The following PTPRD variants were observed in gnomAD, a reference collection of about 807,000 sequenced individuals.
PTPRD encodes receptor-type tyrosine-protein phosphatase delta.
A neutral mutation model predicts 214.5 loss-of-function variants in PTPRD; 34 were observed. The ratio of observed to expected loss-of-function variants is 0.16; its 90% CI spans 0.12 to 0.21. PTPRD has a LOEUF of 0.21. PTPRD is among the 10% of genes least tolerant of loss of function. The pLI is 1.00. For missense variants in PTPRD, 2,545 were observed against 2,398.7 expected (o/e 1.06, Z -1.27); for synonymous variants, 1,128 against 845.7 (o/e 1.33, Z -5.79).
At chr9:9,050,684 C>T (rs1490254632) in intron 10 of PTPRD, among the ~76,000 whole-genome samples, 1 of 65,188 alleles carries the variant, frequency 1.5e-5, no homozygotes, top group Non-Finnish European at 3.6e-5. Flanking sequence ...CCATGCTATA[C>T]ATGCTACCTA....
chr9:8,538,861 C>G (rs933251992), intron 14 of PTPRD, among the ~76,000 whole-genome samples: 10 of 151,862 alleles, frequency 6.6e-5, no homozygotes, highest in African/African-American at 2.2e-4. Context: ...TGAAAGGAAA[C>G]ACTTTCCTTT....
chr9:10,508,491 G>A (rs1445670288), intron 2 of PTPRD, among the ~76,000 whole-genome samples: 4 of 152,152 alleles, frequency 2.6e-5, no homozygotes, highest in Non-Finnish European at 4.4e-5. Flanking sequence ...GAAGACACAT[G>A]CACACGTATG....
intron 5 of PTPRD, among the ~76,000 whole-genome samples, chr9:9,863,389 A>G (rs2063220567): frequency 6.6e-6 from 1 of 152,194 alleles, no homozygotes; most frequent in Non-Finnish European, 1.5e-5. Context: ...TAAATGTAAA[A>G]TCAAGAATGT....
At chr9:10,612,220 A>AAAG (rs1555626942) in intron 2 of PTPRD, among the ~76,000 whole-genome samples, 178 bp downstream of exon 2, 11 of 151,664 alleles carry the variant, frequency 7.3e-5, no homozygotes, top group South Asian at 2.1e-4. Flanking sequence ...AAAAAAAAAA[A>AAAG]AAAAGAAAAA....
chr9:9,855,365 G>A (rs978007779), intron 5 of PTPRD, among the ~76,000 whole-genome samples: 4 of 152,080 alleles, frequency 2.6e-5, no homozygotes, highest in East Asian at 3.9e-4. Flanking sequence ...TAAAACAAAG[G>A]GGAGGAGCTC....
At chr9:8,814,616 C>G (rs983816497) in intron 11 of PTPRD, among the ~76,000 whole-genome samples, 3 of 152,128 alleles carry the variant, frequency 2.0e-5, no homozygotes, top group African/African-American at 7.2e-5. Flanking sequence ...AGACAGCCAT[C>G]CAAGGGCAGA....
chr9:9,230,801 T>G lies in PTPRD; in HGVS notation c.-202-47438A>C, dbSNP rs573658350. ...GAAAATAAGAGGATAAATCTGTATC[T>G]TTTCTTTTAAAAAAGACTAACCTGA... On this transcript the variant is annotated intron_variant, in intron 9 of 45. Transcript: ENST00000381196. Among the ~76,000 whole-genome samples the G allele has an allele frequency of 3.9e-5, 6 of 152,272 alleles. No homozygotes were observed. In the South Asian group the frequency reaches 1.0e-3, roughly 26 times the overall value.
intron 9 of PTPRD, among the ~76,000 whole-genome samples, chr9:9,212,472 C>T (rs1003057258): frequency 5.9e-5 from 9 of 152,078 alleles, no homozygotes; most frequent in Non-Finnish European, 8.8e-5. Context: ...GTGATTTTAA[C>T]GCTATTAATT....
chr9:10,593,428 T>TA lies in PTPRD; in HGVS notation c.-600+18969dup, dbSNP rs1369472881. Among the ~76,000 whole-genome samples the TA allele has an allele frequency of 2.0e-5, 3 of 152,156 alleles. No individual in the cohort carries two copies. The East Asian group carries it at 5.8e-4, about 30-fold the overall frequency. On this transcript the variant is annotated intron_variant, in intron 2 of 45. Coordinates refer to ENST00000381196, the MANE Select transcript of PTPRD (RefSeq NM_002839.4). Reference sequence around the variant, plus strand: ...ACTAGAAGCCTCAAATTCCTACAATTAAAAAGGTGGGAACTCAGTCATAAA... The same window carrying TA: ...ACTAGAAGCCTCAAATTCCTACAATTAAAAAAGGTGGGAACTCAGTCATAAA...
chr9:9,351,928 A>C (rs923258110), intron 9 of PTPRD, among the ~76,000 whole-genome samples: 1 of 152,010 alleles, frequency 6.6e-6, no homozygotes, highest in Non-Finnish European at 1.5e-5. Context: ...TCTGGAACAC[A>C]GTAAGAGCTT....
chr9:8,491,932 G>A (rs895435231), intron 27 of PTPRD, among the ~76,000 whole-genome samples: 3 of 152,190 alleles, frequency 2.0e-5, no homozygotes, highest in East Asian at 1.9e-4. Context: ...ACATGTTCAC[G>A]GGAGATTGCC....
Position 8,315,188 on chromosome 9 carries a change from T to C in PTPRD, c.*2686A>G, listed in dbSNP as rs556960190. 2.6e-5 allele frequency: 6 copies of C among 232,736 alleles called. No individual in the cohort carries two copies. In the South Asian group the frequency reaches 1.1e-3, roughly 42 times the overall value. 14.4% of individuals were successfully genotyped at this position (232,736 alleles called of 1,614,324 possible). ...AGAAAAGCACAGAGTGGAATGCACATCAATGACAGTAAGGGAGTTAGTTCT... is the reference window on the plus strand; with the variant it reads ...AGAAAAGCACAGAGTGGAATGCACACCAATGACAGTAAGGGAGTTAGTTCT... On this transcript the variant is annotated 3_prime_UTR_variant, in exon 46 of 46. Coordinates refer to ENST00000381196, the MANE Select transcript of PTPRD (RefSeq NM_002839.4).
intron 7 of PTPRD, among the ~76,000 whole-genome samples, chr9:9,734,241 A>T (rs2098252507): frequency 6.6e-6 from 1 of 152,000 alleles, no homozygotes; most frequent in Non-Finnish European, 1.5e-5. Context: ...CCTATCACGA[A>T]CTCTTTCAGT....
chr9:9,110,001 C>T (rs2099803867), intron 10 of PTPRD, among the ~76,000 whole-genome samples: 1 of 151,972 alleles, frequency 6.6e-6, no homozygotes, highest in Non-Finnish European at 1.5e-5. Flanking sequence ...AGCTTGGCAC[C>T]AAACCAGGAG....
At chr9:10,101,085 T>A (rs945022849) in intron 3 of PTPRD, among the ~76,000 whole-genome samples, 1 of 151,690 alleles carries the variant, frequency 6.6e-6, no homozygotes, top group African/African-American at 2.4e-5. Flanking sequence ...TTCACTTAAT[T>A]GCAAGTTTTA....
At chr9:10,207,390 C>G (rs2099488692) in intron 3 of PTPRD, among the ~76,000 whole-genome samples, 1 of 151,976 alleles carries the variant, frequency 6.6e-6, no homozygotes, top group African/African-American at 2.4e-5. Flanking sequence ...TCATTTTCTT[C>G]TAATGTTATT....
chr9:8,826,482 G>A (rs1302589547), intron 11 of PTPRD, among the ~76,000 whole-genome samples: 3 of 151,964 alleles, frequency 2.0e-5, no homozygotes, highest in Non-Finnish European at 4.4e-5. Context: ...CAGCCCTGCT[G>A]GCCTCCCTTC....
intron 4 of PTPRD, among the ~76,000 whole-genome samples, chr9:9,981,873 T>C (rs956633313): frequency 1.3e-5 from 2 of 152,220 alleles, no homozygotes; most frequent in African/African-American, 4.8e-5. Flanking sequence ...CTCTTTCTTT[T>C]AGAATGTAAG....
intron 3 of PTPRD, among the ~76,000 whole-genome samples, chr9:10,207,731 T>C (rs1163184007): frequency 6.6e-6 from 1 of 151,782 alleles, no homozygotes; most frequent in African/African-American, 2.4e-5. Context: ...AAATTATATA[T>C]ATATTTAATA....
Sources: gnomAD v4.1 joint callset for allele counts (sites outside exome capture counted in the v4.1 genomes callset) on GRCh38, gnomAD v4.1.1 for gene constraint, MANE v1.5 for transcripts, NCBI Gene and HGNC (gene_info 2026-07-23, HGNC 2026-07-21) for gene names.